The following PDXDC1 variants were observed in gnomAD, a reference collection of about 807,000 sequenced individuals.
PDXDC1 encodes pyridoxal dependent decarboxylase domain containing 1, also known as pyridoxal-dependent decarboxylase domain-containing protein 1.
A neutral mutation model predicts 100.1 loss-of-function variants in PDXDC1; 42 were observed. The observed-to-expected ratio is 0.42, with a 90% CI of 0.33 to 0.54. PDXDC1 has a LOEUF of 0.54. PDXDC1 is among the 20% of genes least tolerant of loss of function. PDXDC1 has a pLI of 0.10. For synonymous variants in PDXDC1, 260 were observed against 371.7 expected, an observed-to-expected ratio of 0.70 and a Z score of 3.46; for missense variants, 636 against 979.2, an observed-to-expected ratio of 0.65 and a Z score of 4.68.
intron 16 of PDXDC1, among the ~76,000 whole-genome samples, chr16:15,090,521 G>T (rs1172648005): frequency 6.6e-6 from 1 of 152,180 alleles, no homozygotes; most frequent in Non-Finnish European, 1.5e-5. Flanking sequence ...ATCATTTGAG[G>T]CCAGGAGTTC....
At position 15,038,160 on chromosome 16, in the gene PDXDC1, A is replaced by C; in HGVS notation, c.*1885A>C. 3 of 1,613,418 alleles carry C rather than the reference A, an allele frequency of 1.9e-6. No homozygotes were observed. The highest frequency in any genetic ancestry group is 2.5e-6 in the Non-Finnish European group (3 of 1,179,440). On this transcript the variant is annotated 3_prime_UTR_variant, in exon 23 of 23. Transcript: ENST00000396410. ...TTTTTAAAAACATCAAGGTAGATCT[A>C]ATATGTTCAACAAAGTGGGGTGGCT...
downstream of PDXDC1, among the ~76,000 whole-genome samples, chr16:15,140,016 GA>G (rs894927465): frequency 3.0e-5 from 4 of 133,220 alleles, no homozygotes; most frequent in Admixed American, 9.1e-5. Context: ...AGAATCACGT[GA>G]ACCCGGGAGG....
intron 1 of PDXDC1, chr16:14,996,266 G>A: frequency 1.2e-5 from 4 of 343,862 alleles, no homozygotes; most frequent in South Asian, 4.9e-5. Flanking sequence ...TTTTGAGGAG[G>A]CAATGCAGTT....
chr16:15,024,148 A>G (rs1307917759), intron 13 of PDXDC1, among the ~76,000 whole-genome samples: 1 of 152,268 alleles, frequency 6.6e-6, no homozygotes, highest in Non-Finnish European at 1.5e-5. Context: ...CCAGGCAGAA[A>G]GCCTGCTCTG....
At chr16:15,085,306 G>A (rs912103325) in intron 16 of PDXDC1, among the ~76,000 whole-genome samples, 3 of 146,902 alleles carry the variant, frequency 2.0e-5, no homozygotes, top group African/African-American at 7.4e-5. Context: ...TAGAATAGGT[G>A]CCAGGTATTC....
At chr16:15,047,614 A>T in intron 16 of PDXDC1, 1 of 1,201,014 alleles carries the variant, frequency 8.3e-7, no homozygotes, top group Non-Finnish European at 1.2e-6. Context: ...GCAGGCCGAG[A>T]CTCCGCCTGT....
chr16:15,000,005 A>G (rs1345468610), intron 3 of PDXDC1, among the ~76,000 whole-genome samples: 2 of 152,296 alleles, frequency 1.3e-5, no homozygotes, highest in East Asian at 1.9e-4. Flanking sequence ...ACGCTGAGAT[A>G]CTAATACTTT....
chr16:15,098,491 G>A (rs758744045), intron 16 of PDXDC1, among the ~76,000 whole-genome samples: 1 of 151,974 alleles, frequency 6.6e-6, no homozygotes, highest in African/African-American at 2.4e-5. Context: ...GTGAGCCATC[G>A]TGTCTGGCTA....
intron 16 of PDXDC1, chr16:15,085,640 A>C (rs776229446): frequency 1.2e-6 from 2 of 1,612,994 alleles, no homozygotes; most frequent in Admixed American, 3.3e-5. Flanking sequence ...TATACTTACT[A>C]TCATCTTCAT....
chr16:15,092,587 A>T, intron 16 of PDXDC1: 1 of 1,612,632 alleles, frequency 6.2e-7, no homozygotes, highest in Middle Eastern at 1.7e-4. Flanking sequence ...TGAAAAAGTC[A>T]TTCTCTAATG....
At chr16:15,005,263 G>A (rs1184575333) in intron 5 of PDXDC1, among the ~76,000 whole-genome samples, 4 of 149,076 alleles carry the variant, frequency 2.7e-5, no homozygotes, top group South Asian at 2.1e-4. Flanking sequence ...GGACGCTGAG[G>A]CACTGCACTC....
At chr16:15,008,069 AT>A (rs1256325668) in intron 6 of PDXDC1, among the ~76,000 whole-genome samples, 11 of 152,364 alleles carry the variant, frequency 7.2e-5, no homozygotes, top group Admixed American at 4.6e-4. Context: ...TAATACCTGT[AT>A]TTTTTTTGAG....
At chr16:15,145,277 AT>A in the PDXDC1 span, among the ~76,000 whole-genome samples, 1 of 152,196 alleles carries the variant, frequency 6.6e-6, no homozygotes, top group Non-Finnish European at 1.5e-5. Flanking sequence ...GGCAGCCGGA[AT>A]CCCATCACCC....
intron 1 of PDXDC1, among the ~76,000 whole-genome samples, chr16:14,983,907 A>G (rs1187193386): frequency 2.6e-5 from 4 of 152,246 alleles, no homozygotes; most frequent in Admixed American, 1.3e-4. Flanking sequence ...TCACACCTGT[A>G]ATTTCAACAC....
Position 15,122,180 on chromosome 16 carries a change from A to T in PDXDC1, c.1400-16699A>T, listed in dbSNP as rs536412887. ...CTCTGTCTAAAAAACAAACAAACAA[A>T]CAAAAAAGTCATCAAACCAGATGAC... On this transcript the variant is annotated intron_variant, in intron 16 of 16. Coordinates refer to the PDXDC1 transcript ENST00000535621. Among the ~76,000 whole-genome samples the T allele has an allele frequency of 1.2e-4, 18 of 152,014 alleles. No homozygotes were observed. In the East Asian group the frequency reaches 3.1e-3, roughly 26 times the overall value.
chr16:15,122,452 TG>T (rs2047470775), intron 16 of PDXDC1, among the ~76,000 whole-genome samples: 2 of 142,940 alleles, frequency 1.4e-5, no homozygotes, highest in Admixed American at 7.1e-5. Flanking sequence ...TGGACTCAAG[TG>T]ATCTGCCCAC....
At chr16:15,080,087 C>A (rs774898397) in intron 16 of PDXDC1, 1 of 1,595,990 alleles carries the variant, frequency 6.3e-7, no homozygotes, top group Non-Finnish European at 8.5e-7. Context: ...AAGTTATGAA[C>A]GTAACATTCC....
rs2151666005 is a variant in PDXDC1 at position 15,036,363 on chromosome 16, T to C, written c.*88T>C. ...AAATGTGAACTGTGCCACATACTAA[T>C]ATAAATTACTGTTGTTTGTGCTTCA... On this transcript the variant is annotated 3_prime_UTR_variant, in exon 23 of 23. Transcript: ENST00000396410. 1.6e-6 allele frequency: 2 copies of C among 1,238,160 alleles called. No homozygotes were observed. Among genetic ancestry groups the C allele is most frequent in the African/African-American group, 1.5e-5 (1 of 66,414 alleles). 76.7% of individuals were successfully genotyped at this position (1,238,160 alleles called of 1,614,324 possible).
chr16:15,103,859 A>T (rs1326521065), intron 16 of PDXDC1, among the ~76,000 whole-genome samples: 14 of 71,780 alleles, frequency 2.0e-4, no homozygotes, highest in African/African-American at 6.2e-4. Context: ...CCCTGAAGAA[A>T]CCTAATTCTT....
Sources: gnomAD v4.1 joint callset for allele counts (sites outside exome capture counted in the v4.1 genomes callset) on GRCh38, gnomAD v4.1.1 for gene constraint, MANE v1.5 for transcripts, NCBI Gene and HGNC (gene_info 2026-07-23, HGNC 2026-07-21) for gene names.